UPK3A: variants seen among roughly 807,000 people sequenced by gnomAD.
UPK3A encodes uroplakin 3A, also known as uroplakin-3a.
In UPK3A, 32 loss-of-function variants were observed where a neutral mutation model predicts 27.6. The ratio of observed to expected loss-of-function variants is 1.16; its 90% CI spans 0.87 to 1.55. The LOEUF (loss-of-function observed/expected upper bound fraction) is 1.55, where lower values mean the gene tolerates loss of function less well. Among genes scored for constraint, UPK3A ranks in the 40% most tolerant of loss-of-function variants. The probability of loss-of-function intolerance (pLI) is 0.00; values close to 1 mark genes in which losing one functional copy is unlikely to be tolerated. For missense variants in UPK3A, 370 were observed against 367.9 expected (o/e 1.01, Z -0.05); for synonymous variants, 171 against 163.9 (o/e 1.04, Z -0.33).
intron 4 of UPK3A, among the ~76,000 whole-genome samples, chr22:45,290,750 T>A (rs986339182): frequency 3.9e-5 from 6 of 152,232 alleles, no homozygotes; most frequent in Admixed American, 3.9e-4. Context: ...TTCATCTGCA[T>A]TTGCAGCCGC....
At chr22:45,285,822 G>A in intron 1 of UPK3A, 119 bp from the exon 2 acceptor site, 1 of 1,424,404 alleles carries the variant, frequency 7.0e-7, no homozygotes, top group South Asian at 1.2e-5. Context: ...CTTATGCGGT[G>A]GCCCAGGGGG....
At chr22:45,288,233 T>C (rs912673852) in intron 3 of UPK3A, among the ~76,000 whole-genome samples, 1 of 151,912 alleles carries the variant, frequency 6.6e-6, no homozygotes, top group Non-Finnish European at 1.5e-5. Context: ...TTCGCTCTTG[T>C]TGCCCAAGGT....
intron 1 of UPK3A, 82 bp from the exon 2 acceptor site, chr22:45,285,859 A>C: frequency 6.3e-7 from 1 of 1,597,666 alleles, no homozygotes. Flanking sequence ...CCTGGCACAC[A>C]ACACGTGCTC....
chr22:45,286,972 C>T (rs1265394638), intron 2 of UPK3A, among the ~76,000 whole-genome samples, 200 bp from the exon 3 acceptor site: 2 of 152,164 alleles, frequency 1.3e-5, no homozygotes, highest in Non-Finnish European at 2.9e-5. Context: ...TCAGACACAG[C>T]GCCCAAAGCA....
chr22:45,293,203 C>A lies in UPK3A; in HGVS notation c.594C>A (p.Asp198Glu), dbSNP rs758352982. 3 of 1,614,066 alleles carry A rather than the reference C, an allele frequency of 1.9e-6. No homozygotes were observed. Among genetic ancestry groups the A allele is most frequent in the Non-Finnish European group, 2.5e-6 (3 of 1,180,042 alleles). Reference sequence around the variant, plus strand: ...CAGTCACCCCATACTCGACGATCGACACGTGGCCAGGCCGGCGGAGCGGAG... The same window carrying A: ...CAGTCACCCCATACTCGACGATCGAAACGTGGCCAGGCCGGCGGAGCGGAG... ...TNQLTPYSTI[D>E]TWPGRRSGGM... The change falls in exon 5 of 6, where the codon GAC becomes GAA. Residue 198 changes from aspartate to glutamate, a missense_variant. Physicochemically the swap from Asp to Glu is conservative, Grantham distance 45. Transcript: ENST00000216211.
intron 4 of UPK3A, among the ~76,000 whole-genome samples, chr22:45,292,461 C>A (rs775864140): frequency 6.6e-6 from 1 of 152,184 alleles, no homozygotes; most frequent in Non-Finnish European, 1.5e-5. Context: ...CTGTTCACAG[C>A]GTTCCAAAGG....
At chr22:45,285,163 A>G in intron 1 of UPK3A, 98 bp downstream of exon 1, 1 of 1,165,650 alleles carries the variant, frequency 8.6e-7, no homozygotes. Flanking sequence ...GGCGCTGGGG[A>G]CCCAGATATT....
intron 3 of UPK3A, 31 bp from the exon 4 acceptor site, chr22:45,289,030 T>A (rs751623663): frequency 6.2e-7 from 1 of 1,610,784 alleles, no homozygotes; most frequent in Non-Finnish European, 8.5e-7. Context: ...ACAGGAAGCA[T>A]AAAAGTCACC....
chr22:45,288,864 TGGG>T (rs555909662), intron 3 of UPK3A, among the ~76,000 whole-genome samples, 194 bp from the exon 4 acceptor site: 206 of 151,624 alleles, frequency 1.4e-3, no homozygotes, highest in African/African-American at 4.7e-3. Flanking sequence ...GGAGGGGTCC[TGGG>T]GGGGGTCCTA....
chr22:45,285,961 C>T lies in UPK3A; in HGVS notation c.73C>T (p.Leu25=). Residue 25 remains leucine, a synonymous_variant, in exon 2 of 6, where the codon CTG becomes TTG. Coordinates refer to ENST00000216211, the MANE Select transcript of UPK3A (RefSeq NM_006953.4). ...TCCAGCTGTGAACCTGCAGCCCCAA[C>T]TGGCCAGTGTGACTTTCGCCACCAA... ...FGSAVNLQPQ[L]ASVTFATNNP... The T allele has an allele frequency of 6.2e-7, 1 of 1,614,122 alleles. No individual in the cohort carries two copies. The highest frequency in any genetic ancestry group is 8.5e-7 in the Non-Finnish European group (1 of 1,180,008).
intron 5 of UPK3A, 62 bp downstream of exon 5, chr22:45,293,375 A>C (rs1465520016): frequency 1.2e-6 from 2 of 1,606,124 alleles, no homozygotes; most frequent in Non-Finnish European, 1.7e-6. Context: ...TTTGGCTCAC[A>C]GGGACTCAGC....
chr22:45,287,944 C>T (rs772894670), intron 3 of UPK3A, among the ~76,000 whole-genome samples: 23 of 152,314 alleles, frequency 1.5e-4, no homozygotes, highest in Non-Finnish European at 2.8e-4. Flanking sequence ...GGGTTACGGG[C>T]GTGAGCTGCC....
At chr22:45,286,606 A>G (rs73431516) in intron 2 of UPK3A, among the ~76,000 whole-genome samples, 7,227 of 152,240 alleles carry the variant, frequency 0.047, 405 homozygotes, top group African/African-American at 0.12. Flanking sequence ...AGACAAGCCA[A>G]CATCAACTCT....
At chr22:45,292,332 C>T (rs1327099281) in intron 4 of UPK3A, among the ~76,000 whole-genome samples, 1 of 152,138 alleles carries the variant, frequency 6.6e-6, no homozygotes, top group Non-Finnish European at 1.5e-5. Context: ...TTCTGCATGT[C>T]CTTGGCTGGG....
Position 45,295,640 on chromosome 22 carries a change from C to G in UPK3A, c.785C>G (p.Ser262Trp), listed in dbSNP as rs142434823. 1 of 1,613,986 alleles carries G rather than the reference C, an allele frequency of 6.2e-7. No individual in the cohort carries two copies. Among genetic ancestry groups the G allele is most frequent in the Admixed American group, 1.7e-5 (1 of 59,994 alleles). The change falls in exon 6 of 6, where the codon TCG (serine) becomes TGG (tryptophan). Residue 262 changes from serine (S) to tryptophan (W), a missense_variant. Transcript: ENST00000216211. ...GCTGTTCCCAAGTCGCTGGGGGCCT[C>G]GGAGTCTTCCTACACGTCCGTGAAC... The part of the protein sequence containing the change: ...QEAVPKSLGA[S>W]ESSYTSVNRG...
At chr22:45,289,385 C>T (rs977181723) in intron 4 of UPK3A, among the ~76,000 whole-genome samples, 2 of 151,936 alleles carry the variant, frequency 1.3e-5, no homozygotes, top group Admixed American at 6.6e-5. Flanking sequence ...ACCATCCTGG[C>T]TCACACGGTG....
At chr22:45,288,310 C>G (rs974700462) in intron 3 of UPK3A, among the ~76,000 whole-genome samples, 2 of 152,106 alleles carry the variant, frequency 1.3e-5, no homozygotes, top group African/African-American at 4.8e-5. Flanking sequence ...ATTCTCCTGC[C>G]TCAGCCTCCT....
At chr22:45,286,540 A>T (rs1441046454) in intron 2 of UPK3A, among the ~76,000 whole-genome samples, 1 of 152,092 alleles carries the variant, frequency 6.6e-6, no homozygotes, top group African/African-American at 2.4e-5. Context: ...ATGCATTTGG[A>T]CCTGCTGCTG....
chr22:45,293,837 G>A (rs1471628962), intron 5 of UPK3A, among the ~76,000 whole-genome samples: 11 of 152,140 alleles, frequency 7.2e-5, no homozygotes, highest in Non-Finnish European at 1.6e-4. Flanking sequence ...GTGGCCCAAG[G>A]CGACACAACC....
Sources: gnomAD v4.1 joint callset for allele counts (sites outside exome capture counted in the v4.1 genomes callset) on GRCh38, gnomAD v4.1.1 for gene constraint, MANE v1.5 for transcripts, NCBI Gene and HGNC (gene_info 2026-07-23, HGNC 2026-07-21) for gene names.